The following SIPA1L1 variants were observed in gnomAD, a reference collection of about 807,000 sequenced individuals.
SIPA1L1 encodes signal-induced proliferation-associated 1-like protein 1.
In SIPA1L1, 26 loss-of-function variants were observed where a neutral mutation model predicts 162.7. That is an observed-to-expected ratio of 0.16 (90% CI 0.12 to 0.22). The LOEUF (loss-of-function observed/expected upper bound fraction) is 0.22, where lower values mean the gene tolerates loss of function less well. SIPA1L1 is among the 10% of genes least tolerant of loss of function. The pLI is 1.00. For synonymous variants in SIPA1L1, 829 were observed against 837.4 expected (o/e 0.99, Z 0.17); for missense variants, 1,874 against 2,241.0 (o/e 0.84, Z 3.31).
intron 2 of SIPA1L1, among the ~76,000 whole-genome samples, chr14:71,476,592 TTA>T (rs1233087081): frequency 3.3e-5 from 5 of 152,174 alleles, no homozygotes; most frequent in East Asian, 1.9e-4. Context: ...TGAGGTATTT[TTA>T]TGTTTTTTTA....
chr14:71,561,183 T>C (rs946069325), intron 4 of SIPA1L1, among the ~76,000 whole-genome samples: 2 of 152,218 alleles, frequency 1.3e-5, no homozygotes, highest in African/African-American at 4.8e-5. Context: ...ATTCCACTTT[T>C]TAGGCTTACC....
At chr14:71,705,128 A>G (rs2082347614) in intron 15 of SIPA1L1, 94 bp from the exon 16 acceptor site, 4 of 862,190 alleles carry the variant, frequency 4.6e-6, no homozygotes, top group Non-Finnish European at 7.8e-6. Context: ...CTGGTCAGTG[A>G]ACTGAAAGAT....
chr14:71,586,225 ATTTTTTTTTTTTTT>A (rs531384892), intron 4 of SIPA1L1: 1 of 140,688 alleles, frequency 7.1e-6, no homozygotes, highest in African/African-American at 2.6e-5. Flanking sequence ...GGCAGCATGC[ATTTTTTTTTTTTTT>A]TTTTGAAACA....
intron 2 of SIPA1L1, among the ~76,000 whole-genome samples, chr14:71,447,377 G>T (rs1280092904): frequency 6.6e-6 from 1 of 152,124 alleles, no homozygotes; most frequent in Non-Finnish European, 1.5e-5. Flanking sequence ...AGCCTATGGT[G>T]CTATGGTGTA....
intron 5 of SIPA1L1, among the ~76,000 whole-genome samples, chr14:71,600,302 G>C (rs562182553): frequency 6.6e-6 from 1 of 152,164 alleles, no homozygotes; most frequent in Admixed American, 6.5e-5. Context: ...TATAGCGAGA[G>C]ACAGGATTGT....
chr14:71,731,498 T>C lies in SIPA1L1; in HGVS notation c.4861+1197T>C, dbSNP rs368619316. 2.0e-4 allele frequency among the ~76,000 whole-genome samples: 30 copies of C among 152,308 alleles called. 1 individual carries two copies. Among genetic ancestry groups the C allele is most frequent in the Middle Eastern group, 3.4e-3 (1 of 294 alleles). ...GTAGTGACCTCCTGCCCCTAACCTTTTTCTCTTCTTCTCTCCCTACATCGG... is the reference window on the plus strand; with the variant it reads ...GTAGTGACCTCCTGCCCCTAACCTTCTTCTCTTCTTCTCTCCCTACATCGG... On this transcript the variant is annotated intron_variant, in intron 20 of 23. Coordinates refer to ENST00000381232, the MANE Select transcript of SIPA1L1 (RefSeq NM_001386936.1).
In SIPA1L1 at chr14:71,672,437, T is replaced by G; in HGVS notation, c.2919T>G (p.Ile973Met). 2 of 1,614,196 alleles carry G rather than the reference T, an allele frequency of 1.2e-6. No individual in the cohort carries two copies. The highest frequency in any genetic ancestry group is 1.7e-6 in the Non-Finnish European group (2 of 1,180,030). ...GCTTCCATGTCAACTATGAGGGCAT[T>G]GTGGCGGATGTGGAGCCCTACGGTT... ...QLGFHVNYEG[I>M]VADVEPYGYA... Residue 973 changes from isoleucine (I) to methionine (M), a missense_variant, in exon 12 of 24, where the codon ATT (isoleucine) becomes ATG (methionine). Ile to Met is a conservative substitution (Grantham distance 10, BLOSUM62 1). Around this residue, in one of 5 missense-constraint regions of SIPA1L1, gnomAD observed 936 missense variants for 1,051.9 expected, o/e 0.89. Coordinates refer to ENST00000381232, the MANE Select transcript of SIPA1L1 (RefSeq NM_001386936.1).
At chr14:71,593,367 G>A (rs2035640300) in intron 5 of SIPA1L1, among the ~76,000 whole-genome samples, 1 of 151,872 alleles carries the variant, frequency 6.6e-6, no homozygotes, top group Non-Finnish European at 1.5e-5. Flanking sequence ...GTGCAGCACT[G>A]TGCCAAGCTA....
At chr14:71,540,965 A>G (rs2054325663) in intron 4 of SIPA1L1, among the ~76,000 whole-genome samples, 1 of 152,022 alleles carries the variant, frequency 6.6e-6, no homozygotes, top group Admixed American at 6.6e-5. Flanking sequence ...CAACTCTACT[A>G]AAAAGAAAAA....
At position 71,460,981 on chromosome 14, in the gene SIPA1L1, G is replaced by A. The variant is rs550554574; in HGVS notation, c.-464-51762G>A. ...AGACCAGTGAATTCCATGAGCATGA[G>A]CCCACTGTCGCACTTTGTTAGCTGT... On this transcript the variant is annotated intron_variant, in intron 2 of 23. Coordinates refer to ENST00000381232, the MANE Select transcript of SIPA1L1 (RefSeq NM_001386936.1). Among the ~76,000 whole-genome samples, 62 of 152,350 alleles carry A rather than the reference G, an allele frequency of 4.1e-4. 1 individual carries two copies. In the East Asian group the frequency reaches 0.012, roughly 28 times the overall value.
chr14:71,563,840 A>G (rs1219582933), intron 4 of SIPA1L1, among the ~76,000 whole-genome samples: 1 of 152,220 alleles, frequency 6.6e-6, no homozygotes, highest in Non-Finnish European at 1.5e-5. Context: ...ACTGCACTGT[A>G]TGTATATTTC....
rs1287283643 is a variant in SIPA1L1, at chr14:71,670,058, T to A, written c.2256-1061T>A. 2.0e-5 allele frequency among the ~76,000 whole-genome samples: 3 copies of A among 152,304 alleles called. No individual in the cohort carries two copies. The East Asian group carries it at 5.8e-4, about 29-fold the overall frequency. On this transcript the variant is annotated intron_variant, in intron 10 of 23. Transcript: ENST00000381232. ...GTTCAGAAGAAACCGATTTTTTTAT[T>A]GTTTCCCTAATACTAAGTATAATTG...
chr14:71,672,526 C>G lies in SIPA1L1; in HGVS notation c.3008C>G (p.Ala1003Gly), dbSNP rs1460769078. Residue 1003 changes from alanine (A) to glycine (G), a missense_variant, in exon 12 of 24, where the codon GCC (alanine) becomes GGC (glycine). Ala to Gly is a moderately conservative substitution (Grantham distance 60). Transcript: ENST00000381232. ...RLVEICKVAV[A>G]TLSHEQMIDL... ...GTGGAGATCTGCAAGGTGGCGGTAG[C>G]CACTCTGAGCCATGAGCAGATGATC... is the stretch of plus-strand genomic sequence containing the variant. The G allele has an allele frequency of 6.2e-7, 1 of 1,614,018 alleles. No homozygotes were observed. Among genetic ancestry groups the G allele is most frequent in the Non-Finnish European group, 8.5e-7 (1 of 1,180,026 alleles).
intron 4 of SIPA1L1, among the ~76,000 whole-genome samples, chr14:71,535,488 CT>C (rs1466099995): frequency 6.6e-6 from 1 of 152,056 alleles, no homozygotes; most frequent in East Asian, 1.9e-4. Flanking sequence ...TAATAACATA[CT>C]TTTAAAAGGA....
intron 2 of SIPA1L1, among the ~76,000 whole-genome samples, chr14:71,329,535 G>T (rs2034267111): frequency 1.3e-5 from 2 of 151,328 alleles, no homozygotes; most frequent in Non-Finnish European, 2.9e-5. Flanking sequence ...CCACCTCCCG[G>T]GCTCAAGCAA....
At chr14:71,731,015 C>G (rs1198727816) in intron 20 of SIPA1L1, among the ~76,000 whole-genome samples, 1 of 152,174 alleles carries the variant, frequency 6.6e-6, no homozygotes, top group Non-Finnish European at 1.5e-5. Context: ...CAGCAGATGC[C>G]TGTCACGGAA....
At chr14:71,350,720 CTAAAA>C (rs1451855201) in intron 2 of SIPA1L1, among the ~76,000 whole-genome samples, 1 of 152,174 alleles carries the variant, frequency 6.6e-6, no homozygotes, top group African/African-American at 2.4e-5. Flanking sequence ...TTAGGAGAGA[CTAAAA>C]TAAGTCATTC....
At chr14:71,356,406 G>A (rs1359756209) in intron 2 of SIPA1L1, among the ~76,000 whole-genome samples, 2 of 150,848 alleles carry the variant, frequency 1.3e-5, no homozygotes, top group Admixed American at 6.6e-5. Context: ...AAGCTTTTAA[G>A]TGAAACTTTT....
chr14:71,357,079 G>A (rs2037348345), intron 2 of SIPA1L1, among the ~76,000 whole-genome samples: 1 of 152,044 alleles, frequency 6.6e-6, no homozygotes, highest in African/African-American at 2.4e-5. Context: ...TTAGAGACAG[G>A]GTCTTACTCT....
Sources: allele counts gnomAD v4.1 joint callset (sites outside exome capture counted in the v4.1 genomes callset), GRCh38; gene constraint gnomAD v4.1.1; regional missense constraint gnomAD v4.1.1; transcripts MANE v1.5; gene names NCBI Gene and HGNC (gene_info 2026-07-23, HGNC 2026-07-21).